Variants in PRR16 observed in about 807,000 individuals in gnomAD.
PRR16 encodes proline rich 16, also known as protein Largen.
In PRR16, 6 loss-of-function variants were observed where a neutral mutation model predicts 18.2. The ratio of observed to expected loss-of-function variants is 0.33; its 90% CI spans 0.18 to 0.65. PRR16 has a LOEUF of 0.65. Ranked by LOEUF, PRR16 falls within the 30% of genes least tolerant of loss-of-function variation. The pLI is 0.74. For synonymous variants in PRR16, 151 were observed against 147.8 expected (o/e 1.02, Z -0.16); for missense variants, 412 against 376.6 (o/e 1.09, Z -0.78).
At chr5:120,567,135 A>G (rs990873735) in intron 1 of PRR16, among the ~76,000 whole-genome samples, 40 of 152,286 alleles carry the variant, frequency 2.6e-4, no homozygotes, top group African/African-American at 9.1e-4. Context: ...CCATTGTCCT[A>G]TGTCTACCAT....
At chr5:120,475,457 A>G (rs1561505608) in intron 1 of PRR16, among the ~76,000 whole-genome samples, 1 of 151,212 alleles carries the variant, frequency 6.6e-6, no homozygotes, top group Non-Finnish European at 1.5e-5. Context: ...CTCTTCTTTG[A>G]AATCCATATC....
At chr5:120,759,517 CAGG>C in the PRR16 span, among the ~76,000 whole-genome samples, 1 of 151,908 alleles carries the variant, frequency 6.6e-6, no homozygotes, top group Non-Finnish European at 1.5e-5. Context: ...TCCATGGGCT[CAGG>C]AGGAGGCATA....
chr5:120,489,481 C>T (rs1268418300), intron 1 of PRR16, among the ~76,000 whole-genome samples: 1 of 151,954 alleles, frequency 6.6e-6, no homozygotes, highest in Non-Finnish European at 1.5e-5. Context: ...CAGCCCCTGC[C>T]TTTTTTTGTT....
chr5:120,774,245 A>G, the PRR16 span, among the ~76,000 whole-genome samples: 2 of 152,126 alleles, frequency 1.3e-5, no homozygotes, highest in African/African-American at 4.8e-5. Context: ...AGAAGGGATA[A>G]GTTTCACTTA....
At chr5:120,482,165 C>T (rs1016570219) in intron 1 of PRR16, among the ~76,000 whole-genome samples, 14 of 152,028 alleles carry the variant, frequency 9.2e-5, no homozygotes, top group African/African-American at 3.4e-4. Flanking sequence ...TCAGGGGGTA[C>T]ATGTGCAGGT....
intron 1 of PRR16, among the ~76,000 whole-genome samples, chr5:120,587,441 A>G (rs1295845362): frequency 2.0e-5 from 3 of 152,206 alleles, no homozygotes; most frequent in African/African-American, 7.2e-5. Context: ...ACATTCTGAC[A>G]CTGTTTTTAG....
the PRR16 span, among the ~76,000 whole-genome samples, chr5:120,745,431 C>T: frequency 6.6e-6 from 1 of 152,196 alleles, no homozygotes; most frequent in East Asian, 1.9e-4. Flanking sequence ...ATGCTCTTTC[C>T]ATCCATGGAT....
intron 1 of PRR16, among the ~76,000 whole-genome samples, chr5:120,677,245 A>G (rs776482018): frequency 3.9e-5 from 6 of 152,142 alleles, no homozygotes; most frequent in Non-Finnish European, 5.9e-5. Context: ...CTATGAACTC[A>G]GGGCAAAGTG....
chr5:120,774,187 G>C, the PRR16 span, among the ~76,000 whole-genome samples: 8 of 152,126 alleles, frequency 5.3e-5, no homozygotes, highest in African/African-American at 1.9e-4. Context: ...GTAAAAAGCA[G>C]CTGCTATGGT....
At chr5:120,517,364 T>A (rs746477967) in intron 1 of PRR16, among the ~76,000 whole-genome samples, 1 of 152,120 alleles carries the variant, frequency 6.6e-6, no homozygotes, top group African/African-American at 2.4e-5. Flanking sequence ...ATTCTTTATT[T>A]TCCTACTCTC....
At chr5:120,524,624 C>T (rs1305790699) in intron 1 of PRR16, among the ~76,000 whole-genome samples, 1 of 151,848 alleles carries the variant, frequency 6.6e-6, no homozygotes, top group Non-Finnish European at 1.5e-5. Context: ...GATAACACAA[C>T]AGGATAACTT....
At chr5:120,704,738 T>C in the PRR16 span, among the ~76,000 whole-genome samples, 1 of 152,184 alleles carries the variant, frequency 6.6e-6, no homozygotes, top group African/African-American at 2.4e-5. Context: ...CAGGTGATTC[T>C]AGTATATCAG....
At chr5:120,654,051 G>GT (rs1256292086) in intron 1 of PRR16, among the ~76,000 whole-genome samples, 2 of 152,032 alleles carry the variant, frequency 1.3e-5, no homozygotes, top group African/African-American at 4.8e-5. Context: ...AAACTCTTTT[G>GT]TAACTAGTAG....
intron 1 of PRR16, among the ~76,000 whole-genome samples, chr5:120,549,182 A>G (rs1262738538): frequency 6.6e-6 from 1 of 151,856 alleles, no homozygotes; most frequent in Non-Finnish European, 1.5e-5. Flanking sequence ...TGCAGCCTCT[A>G]CTTCCTGGGT....
intron 1 of PRR16, among the ~76,000 whole-genome samples, chr5:120,546,293 A>G (rs748972039): frequency 2.0e-5 from 3 of 152,136 alleles, no homozygotes; most frequent in Non-Finnish European, 4.4e-5. Flanking sequence ...TCAATACACA[A>G]TGGTAATGAT....
At chr5:120,625,234 A>G (rs1372686851) in intron 1 of PRR16, among the ~76,000 whole-genome samples, 3 of 152,134 alleles carry the variant, frequency 2.0e-5, no homozygotes, top group Non-Finnish European at 4.4e-5. Flanking sequence ...TTGTCTCTGA[A>G]CTCAGTGATG....
At chr5:120,500,587 T>G (rs1750416267) in intron 1 of PRR16, among the ~76,000 whole-genome samples, 1 of 152,220 alleles carries the variant, frequency 6.6e-6, no homozygotes, top group Admixed American at 6.5e-5. Context: ...ATGTTAAATT[T>G]TATGTCATGA....
At chr5:120,701,642 G>A in the PRR16 span, among the ~76,000 whole-genome samples, 1 of 152,232 alleles carries the variant, frequency 6.6e-6, no homozygotes, top group South Asian at 2.1e-4. Context: ...GCCTGGCAAG[G>A]AGCAGCCTGG....
chr5:120,700,089 A>C, the PRR16 span, among the ~76,000 whole-genome samples: 1 of 152,112 alleles, frequency 6.6e-6, no homozygotes, highest in African/African-American at 2.4e-5. Context: ...AGAACAGAAT[A>C]ATGGGTTGTA....
Sources: allele counts gnomAD v4.1 joint callset (sites outside exome capture counted in the v4.1 genomes callset), GRCh38; gene constraint gnomAD v4.1.1; transcripts MANE v1.5; gene names NCBI Gene and HGNC (gene_info 2026-07-23, HGNC 2026-07-21).